Variants in LIG1 observed in about 807,000 individuals in gnomAD.
The protein encoded by LIG1 is DNA ligase 1.
A neutral mutation model predicts 115.7 loss-of-function variants in LIG1; 70 were observed. The ratio of observed to expected loss-of-function variants is 0.60; its 90% CI spans 0.50 to 0.74. LIG1 has a LOEUF of 0.74. Among genes scored for constraint, LIG1 ranks in the 30% least tolerant of loss-of-function variants. The pLI is 0.00. For missense variants in LIG1, 1,115 were observed against 1,225.6 expected (o/e 0.91, Z 1.35); for synonymous variants, 487 against 495.3 (o/e 0.98, Z 0.22).
chr19:48,138,232 GC>G (rs937379191), intron 12 of LIG1, among the ~76,000 whole-genome samples: 1 of 152,190 alleles, frequency 6.6e-6, no homozygotes, highest in African/African-American at 2.4e-5. Context: ...CACGGTGACA[GC>G]TGTGACAAGC....
At chr19:48,140,254 G>A in intron 11 of LIG1, 111 bp from the exon 12 acceptor site, 1 of 744,896 alleles carries the variant, frequency 1.3e-6, no homozygotes, top group Non-Finnish European at 2.3e-6. Flanking sequence ...AGAAAGAAGA[G>A]GAAAGGGCTC....
chr19:48,150,298 C>A, intron 7 of LIG1, 88 bp from the exon 8 acceptor site: 4 of 1,581,736 alleles, frequency 2.5e-6, no homozygotes, highest in Middle Eastern at 1.7e-4. Flanking sequence ...ATCATTCTGA[C>A]CCTGCAGATG....
At chr19:48,135,901 C>T in intron 15 of LIG1, 122 bp from the exon 16 acceptor site, 2 of 935,352 alleles carry the variant, frequency 2.1e-6, no homozygotes, top group Non-Finnish European at 3.4e-6. Flanking sequence ...GCCCCCTCCC[C>T]CCCACCCAGG....
intron 6 of LIG1, among the ~76,000 whole-genome samples, chr19:48,153,093 G>C (rs181078788): frequency 6.6e-6 from 1 of 151,178 alleles, no homozygotes; most frequent in African/African-American, 2.4e-5. Context: ...TACTCGGGAA[G>C]CTGAGGTGGG....
intron 9 of LIG1, among the ~76,000 whole-genome samples, chr19:48,146,936 G>GTCAA (rs2035155739): frequency 6.6e-6 from 1 of 152,174 alleles, no homozygotes; most frequent in Admixed American, 6.6e-5. Flanking sequence ...GGCTAATCAT[G>GTCAA]TCAATGTGTG....
At chr19:48,165,487 A>T in intron 2 of LIG1, 63 bp downstream of exon 2, 1 of 1,266,258 alleles carries the variant, frequency 7.9e-7, no homozygotes, top group Non-Finnish European at 1.2e-6. Context: ...TTAAGTACAG[A>T]TTTAGAGAAA....
Position 48,137,465 on chromosome 19 carries a change from G to A in LIG1, c.1254+57C>T, listed in dbSNP as rs1361673071. The A allele has an allele frequency of 1.7e-5, 27 of 1,597,110 alleles. No homozygotes were observed. In the Admixed American group the frequency reaches 3.4e-4, roughly 20 times the overall value. ...ACCCAGAAGCCTTCCTGACACACGC[G>A]TGGCCTCAGGTCCCCAAGATGTCTG... is the stretch of plus-strand genomic sequence containing the variant. On this transcript the variant is annotated intron_variant, in intron 13 of 27. Coordinates refer to ENST00000263274, the MANE Select transcript of LIG1 (RefSeq NM_000234.3). The surrounding 1 kb of genome is among the most constrained non-coding windows in gnomAD (Gnocchi z 4.3).
chr19:48,144,941 T>A (rs2122747595), intron 9 of LIG1, among the ~76,000 whole-genome samples: 1 of 151,946 alleles, frequency 6.6e-6, no homozygotes, highest in South Asian at 2.1e-4. Context: ...TGAGACAGGG[T>A]CTCACTGTCG....
intron 18 of LIG1, 103 bp from the exon 19 acceptor site, chr19:48,131,274 C>G (rs1188890530): frequency 2.5e-6 from 2 of 812,904 alleles, no homozygotes; most frequent in African/African-American, 3.4e-5. Context: ...TCTGGAAGCT[C>G]TGGAGGAGGA....
intron 1 of LIG1, chr19:48,170,006 T>G (rs1038334950): frequency 1.3e-5 from 4 of 303,630 alleles, no homozygotes; most frequent in Admixed American, 9.9e-5. Context: ...CCTGTCCAAC[T>G]GTCTCTGTCT....
At chr19:48,164,890 T>C (rs1329125630) in intron 2 of LIG1, among the ~76,000 whole-genome samples, 1 of 152,204 alleles carries the variant, frequency 6.6e-6, no homozygotes, top group Non-Finnish European at 1.5e-5. Flanking sequence ...TGAAGGATGT[T>C]TAGCAGCATG....
chr19:48,125,010 CAA>C (rs34073314), intron 21 of LIG1, among the ~76,000 whole-genome samples: 30 of 90,588 alleles, frequency 3.3e-4, no homozygotes, highest in African/African-American at 3.4e-4. Context: ...GACTGTGTCT[CAA>C]AAAAAAAAAA....
At chr19:48,163,899 C>T (rs187998) in intron 2 of LIG1, among the ~76,000 whole-genome samples, 3 of 146,690 alleles carry the variant, frequency 2.0e-5, no homozygotes, top group Admixed American at 6.9e-5. Context: ...GAGCCAAGAT[C>T]GCGCCACTGC....
chr19:48,129,773 T>C (rs545098735), intron 19 of LIG1, among the ~76,000 whole-genome samples: 129 of 152,276 alleles, frequency 8.5e-4, no homozygotes, highest in African/African-American at 3.0e-3. Context: ...TTTTTATTTT[T>C]TTGAGATGGA....
intron 2 of LIG1, among the ~76,000 whole-genome samples, chr19:48,162,860 AC>A (rs1204085486): frequency 6.6e-6 from 1 of 152,102 alleles, no homozygotes; most frequent in Non-Finnish European, 1.5e-5. Context: ...GCCCTAACGC[AC>A]CTGCAAGATA....
chr19:48,141,759 A>G (rs2034771708), intron 11 of LIG1, among the ~76,000 whole-genome samples: 1 of 152,232 alleles, frequency 6.6e-6, no homozygotes, highest in South Asian at 2.1e-4. Context: ...AAGTCTCATT[A>G]CCGAGGTTTT....
intron 2 of LIG1, among the ~76,000 whole-genome samples, chr19:48,165,059 G>A (rs966594995): frequency 6.6e-6 from 1 of 152,204 alleles, no homozygotes; most frequent in Admixed American, 6.5e-5. Flanking sequence ...AGGAGTTTGA[G>A]ACCAGCCTGA....
intron 20 of LIG1, chr19:48,127,562 C>T: frequency 1.6e-6 from 1 of 616,170 alleles, no homozygotes; most frequent in Non-Finnish European, 2.9e-6. Context: ...GATATTTGCT[C>T]TCCTAGACTT....
intron 21 of LIG1, among the ~76,000 whole-genome samples, chr19:48,124,475 AG>A (rs762692817): frequency 4.8e-4 from 73 of 152,300 alleles, no homozygotes; most frequent in Non-Finnish European, 8.5e-4. Flanking sequence ...TACCCAGTGT[AG>A]CCGCCACCAG....
Sources: gnomAD v4.1 joint callset for allele counts (sites outside exome capture counted in the v4.1 genomes callset) on GRCh38, gnomAD v4.1.1 for gene constraint, Gnocchi (gnomAD v3.1) non-coding constraint, MANE v1.5 for transcripts, NCBI Gene and HGNC (gene_info 2026-07-23, HGNC 2026-07-21) for gene names.